The following HS2ST1 variants were observed in gnomAD, a reference collection of about 807,000 sequenced individuals.
HS2ST1 encodes heparan sulfate 2-O-sulfotransferase 1, also known as 2-O-sulfotransferase.
A neutral mutation model predicts 42.9 loss-of-function variants in HS2ST1; 18 were observed. The observed-to-expected ratio is 0.42, with a 90% CI of 0.29 to 0.62. HS2ST1 has a LOEUF of 0.62. HS2ST1 is among the 20% of genes least tolerant of loss of function. The probability of loss-of-function intolerance (pLI) is 0.21; values close to 1 mark genes in which losing one functional copy is unlikely to be tolerated. For synonymous variants in HS2ST1, 146 were observed against 152.9 expected, an observed-to-expected ratio of 0.95 and a Z score of 0.33; for missense variants, 334 against 433.8, an observed-to-expected ratio of 0.77 and a Z score of 2.04.
chr1:87,037,385 G>C (rs1230993153), intron 1 of HS2ST1, among the ~76,000 whole-genome samples: 3 of 138,832 alleles, frequency 2.2e-5, no homozygotes, highest in African/African-American at 5.1e-5. Context: ...ATTCTACTTG[G>C]TTGTAGTTAT....
chr1:87,091,291 A>G (rs78324706), intron 3 of HS2ST1, among the ~76,000 whole-genome samples: 1 of 152,014 alleles, frequency 6.6e-6, no homozygotes, highest in Non-Finnish European at 1.5e-5. Context: ...GAGAAATAGA[A>G]TAAGTATTGA....
intron 1 of HS2ST1, among the ~76,000 whole-genome samples, chr1:86,957,223 AT>A (rs1257044583): frequency 3.3e-5 from 5 of 152,242 alleles, no homozygotes; most frequent in Non-Finnish European, 7.3e-5. Flanking sequence ...TTGAAAAAGA[AT>A]TTCTGAATTT....
At chr1:86,975,712 AAATGCT>A (rs750957261) in intron 1 of HS2ST1, among the ~76,000 whole-genome samples, 2 of 152,108 alleles carry the variant, frequency 1.3e-5, no homozygotes, top group Non-Finnish European at 2.9e-5. Flanking sequence ...ACCTTTTACC[AAATGCT>A]ATGATATGCT....
At chr1:86,963,366 G>C (rs1377774616) in intron 1 of HS2ST1, among the ~76,000 whole-genome samples, 8 of 152,100 alleles carry the variant, frequency 5.3e-5, no homozygotes, top group South Asian at 2.1e-4. Flanking sequence ...TGACTCCTAA[G>C]GAGCATGCCG....
intron 5 of HS2ST1, among the ~76,000 whole-genome samples, 161 bp from the exon 6 acceptor site, chr1:87,103,271 T>C (rs910432163): frequency 3.9e-5 from 6 of 152,154 alleles, no homozygotes; most frequent in African/African-American, 1.4e-4. Flanking sequence ...GCAAATGAAA[T>C]TGGAAACAGG....
chr1:86,965,746 A>G (rs1287782083), intron 1 of HS2ST1, among the ~76,000 whole-genome samples: 1 of 152,162 alleles, frequency 6.6e-6, no homozygotes, highest in Non-Finnish European at 1.5e-5. Context: ...CTACTTAGAT[A>G]TAGTCCTCAC....
intron 1 of HS2ST1, among the ~76,000 whole-genome samples, chr1:86,926,195 A>G (rs1660414039): frequency 6.6e-6 from 1 of 152,198 alleles, no homozygotes; most frequent in South Asian, 2.1e-4. Flanking sequence ...CTTTGGCTGA[A>G]GGGAACACTG....
At chr1:86,956,296 C>A (rs991855074) in intron 1 of HS2ST1, among the ~76,000 whole-genome samples, 10 of 152,068 alleles carry the variant, frequency 6.6e-5, no homozygotes, top group Non-Finnish European at 1.5e-4. Flanking sequence ...CAAGATTGTC[C>A]CACATTCAGA....
intron 1 of HS2ST1, among the ~76,000 whole-genome samples, chr1:86,996,442 CAA>C (rs67401349): frequency 0.69 from 77,950 of 112,458 alleles, 26,609 homozygotes; most frequent in East Asian, 0.9. Context: ...AACTCTGTCT[CAA>C]AAAAAAAAAA....
At chr1:87,094,825 C>T (rs970389647) in intron 4 of HS2ST1, among the ~76,000 whole-genome samples, 13 of 151,876 alleles carry the variant, frequency 8.6e-5, no homozygotes, top group Non-Finnish European at 1.6e-4. Context: ...TATTTTTTAA[C>T]TTCGTTATAA....
chr1:87,006,420 G>C (rs1377814076), intron 1 of HS2ST1, among the ~76,000 whole-genome samples: 1 of 152,106 alleles, frequency 6.6e-6, no homozygotes, highest in Non-Finnish European at 1.5e-5. Flanking sequence ...AATGCACACA[G>C]AGCACTTACT....
At chr1:87,099,297 A>G (rs1652144920) in intron 5 of HS2ST1, among the ~76,000 whole-genome samples, 1 of 152,196 alleles carries the variant, frequency 6.6e-6, no homozygotes, top group Non-Finnish European at 1.5e-5. Context: ...CAGGATGTAC[A>G]AGCATGGCAC....
At chr1:86,941,219 A>G (rs1156723008) in intron 1 of HS2ST1, among the ~76,000 whole-genome samples, 1 of 152,128 alleles carries the variant, frequency 6.6e-6, no homozygotes, top group African/African-American at 2.4e-5. Context: ...CTCTGTCCCT[A>G]GTGCTGTGAC....
At chr1:87,010,055 CA>C (rs11345061) in intron 1 of HS2ST1, among the ~76,000 whole-genome samples, 113,987 of 148,426 alleles carry the variant, frequency 0.77, 44,570 homozygotes, top group East Asian at 0.97. Flanking sequence ...CAAAACAAAA[CA>C]AAAAAAAAAA....
At chr1:86,932,670 T>C (rs1386243224) in intron 1 of HS2ST1, among the ~76,000 whole-genome samples, 4 of 152,134 alleles carry the variant, frequency 2.6e-5, no homozygotes, top group Non-Finnish European at 4.4e-5. Flanking sequence ...AGCAGGATAG[T>C]CACTAAAAGC....
At chr1:87,003,421 GTTTTTGTTTT>G (rs1238682626) in intron 1 of HS2ST1, among the ~76,000 whole-genome samples, 4 of 152,162 alleles carry the variant, frequency 2.6e-5, no homozygotes, top group Non-Finnish European at 5.9e-5. Context: ...AAACCAGTTA[GTTTTTGTTTT>G]TATGAATAGC....
chr1:86,916,156 G>A (rs536997051), intron 1 of HS2ST1, among the ~76,000 whole-genome samples: 10 of 152,314 alleles, frequency 6.6e-5, no homozygotes, highest in Non-Finnish European at 1.2e-4. Flanking sequence ...TCAGCATGGA[G>A]AGCGAGAGTT....
At chr1:87,063,803 C>T (rs1282015024) in intron 1 of HS2ST1, among the ~76,000 whole-genome samples, 7 of 152,042 alleles carry the variant, frequency 4.6e-5, no homozygotes, top group Admixed American at 3.3e-4. Context: ...TGGTGTTGGT[C>T]ATTTCTTGAT....
At chr1:87,052,656 A>G (rs959180467) in intron 1 of HS2ST1, among the ~76,000 whole-genome samples, 4 of 152,176 alleles carry the variant, frequency 2.6e-5, no homozygotes, top group Non-Finnish European at 5.9e-5. Flanking sequence ...GAAGATGGGA[A>G]ATCCAGTTAG....
Sources: allele counts gnomAD v4.1 joint callset (sites outside exome capture counted in the v4.1 genomes callset), GRCh38; gene constraint gnomAD v4.1.1; transcripts MANE v1.5; gene names NCBI Gene and HGNC (gene_info 2026-07-23, HGNC 2026-07-21).